Variants in TF observed in about 807,000 individuals in gnomAD.
TF encodes serotransferrin.
Under a neutral mutation model 82.4 loss-of-function variants are expected in TF, and 55 were observed. That is an observed-to-expected ratio of 0.67 (90% CI 0.54 to 0.84). The LOEUF is 0.84. TF is among the 40% of genes least tolerant of loss of function. TF has a pLI of 0.00. For synonymous variants in TF, 332 were observed against 332.6 expected, an observed-to-expected ratio of 1.00 and a Z score of 0.02; for missense variants, 737 against 868.4, an observed-to-expected ratio of 0.85 and a Z score of 1.90.
At chr3:133,717,418 C>A in the TF span, among the ~76,000 whole-genome samples, 2 of 152,216 alleles carry the variant, frequency 1.3e-5, no homozygotes, top group Admixed American at 1.3e-4. Flanking sequence ...CTCTGCTTCT[C>A]CCGTCTGCTT....
the TF span, among the ~76,000 whole-genome samples, chr3:133,662,667 A>T: frequency 6.2e-5 from 1 of 16,236 alleles, no homozygotes; most frequent in African/African-American, 2.2e-4. Context: ...AGAGGGGATA[A>T]GATGGGCCTG....
intron 2 of TF, among the ~76,000 whole-genome samples, chr3:133,749,470 C>G (rs772646050): frequency 6.6e-6 from 1 of 152,108 alleles, no homozygotes; most frequent in Non-Finnish European, 1.5e-5. Flanking sequence ...GAAAAACACA[C>G]GAATAAGTAA....
At chr3:133,737,944 TC>T in the TF span, among the ~76,000 whole-genome samples, 2 of 151,812 alleles carry the variant, frequency 1.3e-5, no homozygotes, top group African/African-American at 4.8e-5. Context: ...AAAGAGGGAC[TC>T]CCCCCAACTC....
chr3:133,697,293 C>T, the TF span, among the ~76,000 whole-genome samples: 1 of 152,152 alleles, frequency 6.6e-6, no homozygotes, highest in Non-Finnish European at 1.5e-5. Context: ...AATTATTACT[C>T]ATTATTACAC....
At chr3:133,718,749 C>T in the TF span, among the ~76,000 whole-genome samples, 2 of 152,102 alleles carry the variant, frequency 1.3e-5, no homozygotes, top group Non-Finnish European at 2.9e-5. Context: ...ACTTTGAGAA[C>T]CATTAGTCTA....
intron 9 of TF, among the ~76,000 whole-genome samples, chr3:133,762,967 A>G (rs1934032034): frequency 6.6e-6 from 1 of 152,226 alleles, no homozygotes. Context: ...ACTTCTTAAG[A>G]CATCACCATT....
At position 133,794,333 on chromosome 3, in the gene TF, A is replaced by G. The variant is rs1225580127; in HGVS notation, c.*15713A>G. Reference sequence around the variant, plus strand: ...TTTGGTCCCATATTCCTGGGAAAACAATCAAAGCTTCAGGTACATCCAGTC... The same window carrying G: ...TTTGGTCCCATATTCCTGGGAAAACGATCAAAGCTTCAGGTACATCCAGTC... On this transcript the variant is annotated 3_prime_UTR_variant, in exon 17 of 17. Transcript: ENST00000402696. 1 of 152,250 alleles carries G rather than the reference A, an allele frequency of 6.6e-6. No individual in the cohort carries two copies. Among genetic ancestry groups the G allele is most frequent in the African/African-American group, 2.4e-5 (1 of 41,474 alleles). The allele number at this position is 152,250 out of a possible 1,614,324, so 9.4% of individuals were successfully genotyped here.
chr3:133,750,129 T>C (rs1294992528), intron 2 of TF, among the ~76,000 whole-genome samples: 1 of 152,328 alleles, frequency 6.6e-6, no homozygotes, highest in East Asian at 1.9e-4. Flanking sequence ...TAAGTCCTTT[T>C]TAGTAAATTC....
rs1183605529 is a variant in TF at position 133,753,595 on chromosome 3, G to A, written c.217G>A (p.Ala73Thr). 1 of 1,613,914 alleles carries A rather than the reference G, an allele frequency of 6.2e-7. No individual in the cohort carries two copies. Among genetic ancestry groups the A allele is most frequent in the Non-Finnish European group, 8.5e-7 (1 of 1,179,932 alleles). Residue 73 changes from alanine to threonine, a missense_variant and splice_region_variant, in exon 3 of 17, where the codon GCA becomes ACA. Coordinates refer to ENST00000402696, the MANE Select transcript of TF (RefSeq NM_001063.4). ...SYLDCIRAIA[A>T]NEADAVTLDA... ...CCAGGACTGGCCTGTTCTCTTTCAG[G>A]CAAACGAAGCGGATGCTGTGACACT...
chr3:133,735,501 C>G, the TF span, among the ~76,000 whole-genome samples: 1 of 152,052 alleles, frequency 6.6e-6, no homozygotes, highest in Admixed American at 6.6e-5. Flanking sequence ...TAATAACAAA[C>G]CCCTCCGAGC....
chr3:133,766,375 C>T lies in TF; in HGVS notation c.1428C>T (p.Thr476=), dbSNP rs548783334. The T allele has an allele frequency of 9.8e-5, 158 of 1,614,220 alleles. 1 individual carries two copies. The South Asian group carries it at 1.3e-3, about 14-fold the overall frequency. ...KKSCHTAVGR[T]AGWNIPMGLL... The stretch of plus-strand genomic sequence containing the variant: ...CCTGCCATACGGCAGTTGGCAGAAC[C>T]GCTGGCTGGAACATCCCCATGGGCC... The change falls in exon 12 of 17, where the codon ACC becomes ACT. Residue 476 remains threonine (T), a synonymous_variant. Transcript: ENST00000402696.
chr3:133,748,684 T>C (rs1933576804), intron 2 of TF, 100 bp downstream of exon 2: 2 of 1,427,092 alleles, frequency 1.4e-6, no homozygotes, highest in South Asian at 1.2e-5. Context: ...GAGGCTGATA[T>C]ATGGGGCAGT....
At chr3:133,775,688 C>T in intron 15 of TF, 71 bp downstream of exon 15, 1 of 1,491,632 alleles carries the variant, frequency 6.7e-7, no homozygotes, top group South Asian at 1.1e-5. Flanking sequence ...GAGTTTACAA[C>T]AAAGTGCAGC....
At chr3:133,705,402 T>C in the TF span, among the ~76,000 whole-genome samples, 3 of 152,186 alleles carry the variant, frequency 2.0e-5, no homozygotes, top group South Asian at 6.2e-4. Flanking sequence ...TACCACAGTC[T>C]AAGACTCTGA....
chr3:133,776,787 G>A (rs1472780245), intron 15 of TF, among the ~76,000 whole-genome samples: 2 of 152,168 alleles, frequency 1.3e-5, no homozygotes, highest in African/African-American at 2.4e-5. Context: ...GAGTAGGCAG[G>A]CATGGGTGTG....
At chr3:133,772,450 C>A (rs534981204) in intron 14 of TF, among the ~76,000 whole-genome samples, 76 of 152,350 alleles carry the variant, frequency 5.0e-4, no homozygotes, top group Middle Eastern at 3.4e-3. Context: ...CCATTCCAGT[C>A]TATTTCCCAA....
chr3:133,697,162 A>C, the TF span, among the ~76,000 whole-genome samples: 1 of 152,144 alleles, frequency 6.6e-6, no homozygotes, highest in African/African-American at 2.4e-5. Context: ...TATAATTATT[A>C]CTCATTATTG....
At chr3:133,725,194 A>C in the TF span, among the ~76,000 whole-genome samples, 1 of 152,020 alleles carries the variant, frequency 6.6e-6, no homozygotes, top group Non-Finnish European at 1.5e-5. Context: ...TCTGTGAAGA[A>C]AGTCATTGGT....
At chr3:133,703,667 T>C in the TF span, among the ~76,000 whole-genome samples, 2 of 150,532 alleles carry the variant, frequency 1.3e-5, no homozygotes, top group Non-Finnish European at 3.0e-5. Flanking sequence ...TATATGCATG[T>C]TTTTATCTTG....
Sources: gnomAD v4.1 joint callset for allele counts (sites outside exome capture counted in the v4.1 genomes callset) on GRCh38, gnomAD v4.1.1 for gene constraint, MANE v1.5 for transcripts, NCBI Gene and HGNC (gene_info 2026-07-23, HGNC 2026-07-21) for gene names.